The following B3GALT1 variants were observed in gnomAD, a reference collection of about 807,000 sequenced individuals.
B3GALT1 encodes beta-1,3-galactosyltransferase 1, also known as UDP-Gal:betaGlcNAc beta 1,3-galactosyltransferase, polypeptide 1.
A neutral mutation model predicts 23.2 loss-of-function variants in B3GALT1; 10 were observed. That is an observed-to-expected ratio of 0.43 (90% confidence interval 0.27 to 0.73). The LOEUF is 0.73. Ranked by LOEUF, B3GALT1 falls within the 30% of genes least tolerant of loss-of-function variation. The pLI is 0.21. For missense variants in B3GALT1, 299 were observed against 405.4 expected (o/e 0.74, Z 2.25); for synonymous variants, 156 against 141.5 (o/e 1.10, Z -0.73).
chr2:167,752,597 C>A (rs1328304960), intron 3 of B3GALT1, among the ~76,000 whole-genome samples: 1 of 141,840 alleles, frequency 7.1e-6, no homozygotes, highest in Admixed American at 7.1e-5. Flanking sequence ...TCCCCCCACA[C>A]CCCCCTTCCC....
At chr2:167,347,226 T>G (rs1224856843) in intron 1 of B3GALT1, among the ~76,000 whole-genome samples, 1 of 152,126 alleles carries the variant, frequency 6.6e-6, no homozygotes, top group Non-Finnish European at 1.5e-5. Context: ...CCCAGGTAGG[T>G]TATTACCTCA....
chr2:167,590,544 A>G (rs1368315949), intron 2 of B3GALT1, among the ~76,000 whole-genome samples: 1 of 151,944 alleles, frequency 6.6e-6, no homozygotes, highest in Non-Finnish European at 1.5e-5. Flanking sequence ...CAAGGGGGGA[A>G]AAAAAAGAAA....
At chr2:167,631,452 G>A (rs1205525266) in intron 2 of B3GALT1, 1 of 151,754 alleles carries the variant, frequency 6.6e-6, no homozygotes, top group African/African-American at 2.4e-5. Context: ...TTTTTGTCTA[G>A]CAGGATAACC....
At chr2:167,484,729 G>C (rs1313439169) in intron 1 of B3GALT1, among the ~76,000 whole-genome samples, 2 of 152,118 alleles carry the variant, frequency 1.3e-5, no homozygotes, top group Non-Finnish European at 2.9e-5. Flanking sequence ...TTCCTATTCA[G>C]ATCTTTAAAA....
chr2:167,493,743 G>T (rs1373659284), intron 2 of B3GALT1, among the ~76,000 whole-genome samples: 1 of 152,162 alleles, frequency 6.6e-6, no homozygotes, highest in Admixed American at 6.5e-5. Context: ...CTATGCTGCA[G>T]ATTTGCTGAT....
intron 3 of B3GALT1, among the ~76,000 whole-genome samples, chr2:167,651,477 G>T (rs557648417): frequency 6.6e-6 from 1 of 151,836 alleles, no homozygotes. Context: ...ATCTTTTAAC[G>T]TGTGCAGTCA....
intron 2 of B3GALT1, among the ~76,000 whole-genome samples, chr2:167,595,507 G>T (rs10185370): frequency 1.8e-3 from 135 of 73,900 alleles, no homozygotes; most frequent in African/African-American, 4.2e-3. Context: ...GTATATGTTC[G>T]GGGGACTTAC....
At chr2:167,345,423 C>G (rs1185714867) in intron 1 of B3GALT1, among the ~76,000 whole-genome samples, 4 of 152,026 alleles carry the variant, frequency 2.6e-5, no homozygotes, top group African/African-American at 9.7e-5. Context: ...GGCATGACAA[C>G]TTTGGTAAGA....
chr2:167,335,463 A>G (rs1697043801), intron 1 of B3GALT1, among the ~76,000 whole-genome samples: 1 of 152,198 alleles, frequency 6.6e-6, no homozygotes. Context: ...CTCCATAGGC[A>G]GAGCAGCAGC....
intron 2 of B3GALT1, among the ~76,000 whole-genome samples, chr2:167,612,721 C>A (rs1168348200): frequency 6.6e-6 from 1 of 151,584 alleles, no homozygotes; most frequent in Non-Finnish European, 1.5e-5. Context: ...AAAGAATATC[C>A]TTTTTGCTTT....
At chr2:167,368,086 T>C (rs1372158026) in intron 1 of B3GALT1, among the ~76,000 whole-genome samples, 2 of 152,178 alleles carry the variant, frequency 1.3e-5, no homozygotes, top group Non-Finnish European at 2.9e-5. Context: ...GGGACATGTT[T>C]TTCTAAGAAT....
intron 3 of B3GALT1, among the ~76,000 whole-genome samples, chr2:167,756,163 T>C (rs548885083): frequency 6.6e-6 from 1 of 151,494 alleles, no homozygotes; most frequent in Non-Finnish European, 1.5e-5. Flanking sequence ...AGTCTGCCCA[T>C]TCCCACCCCG....
intron 2 of B3GALT1, among the ~76,000 whole-genome samples, chr2:167,562,960 T>C (rs1290730339): frequency 1.3e-5 from 2 of 152,090 alleles, no homozygotes; most frequent in Non-Finnish European, 2.9e-5. Flanking sequence ...GAGCACAGGG[T>C]TGGGGGCAAG....
intron 4 of B3GALT1, among the ~76,000 whole-genome samples, chr2:167,854,391 T>C (rs922748921): frequency 6.6e-6 from 1 of 152,192 alleles, no homozygotes; most frequent in African/African-American, 2.4e-5. Flanking sequence ...AACATGGCCA[T>C]GAACAATGCA....
intron 1 of B3GALT1, among the ~76,000 whole-genome samples, chr2:167,434,712 C>A (rs186292017): frequency 0.011 from 1,397 of 121,658 alleles, 30 homozygotes; most frequent in African/African-American, 0.041. Flanking sequence ...TATGAATGAC[C>A]CCCCCCCCTT....
intron 2 of B3GALT1, among the ~76,000 whole-genome samples, chr2:167,644,779 T>TAAA (rs199652424): frequency 0.031 from 2,843 of 91,128 alleles, 124 homozygotes; most frequent in African/African-American, 0.12. Context: ...GACTCTGTCT[T>TAAA]AAAAAAAAAA....
At position 167,297,663 on chromosome 2, in the gene B3GALT1, GT is replaced by G. The variant is rs199938094; in HGVS notation, c.-511+4332del. Among the ~76,000 whole-genome samples the G allele has an allele frequency of 3.4e-3, 524 of 152,136 alleles. 4 individuals are homozygous for G. Among genetic ancestry groups the G allele is most frequent in the African/African-American group, 0.011 (475 of 41,540 alleles). ...TTCCAGTTTCACTTTCTGTGCTTCT[GT>G]TTCATTACTTTCTTTGGGGTCTTTA... On this transcript the variant is annotated intron_variant, in intron 1 of 4. Coordinates refer to ENST00000392690, the MANE Select transcript of B3GALT1 (RefSeq NM_020981.4).
chr2:167,805,007 A>G (rs1032594891), intron 3 of B3GALT1, among the ~76,000 whole-genome samples: 1 of 152,130 alleles, frequency 6.6e-6, no homozygotes, highest in Non-Finnish European at 1.5e-5. Flanking sequence ...TGACTTTTTA[A>G]TGATCACCAT....
intron 1 of B3GALT1, among the ~76,000 whole-genome samples, chr2:167,353,858 G>C (rs1323394766): frequency 6.6e-6 from 1 of 152,002 alleles, no homozygotes; most frequent in Non-Finnish European, 1.5e-5. Context: ...ATTTAATGTT[G>C]CTGTTCTGAA....
Sources: gnomAD v4.1 joint callset for allele counts (sites outside exome capture counted in the v4.1 genomes callset) on GRCh38, gnomAD v4.1.1 for gene constraint, MANE v1.5 for transcripts, NCBI Gene and HGNC (gene_info 2026-07-23, HGNC 2026-07-21) for gene names.